Variants in DOK6 observed in about 807,000 individuals in gnomAD.
DOK6 encodes the protein docking protein 6.
DOK6 carries 22 observed loss-of-function variants against 44.0 expected under a neutral mutation model. The ratio of observed to expected loss-of-function variants is 0.50; its 90% CI spans 0.36 to 0.71. DOK6 has a LOEUF of 0.71. Ranked by LOEUF, DOK6 falls within the 30% of genes least tolerant of loss-of-function variation. The pLI, the probability that DOK6 is intolerant of heterozygous loss-of-function variation, is 0.00. For synonymous variants in DOK6, 166 were observed against 145.5 expected (o/e 1.14, Z -1.01); for missense variants, 340 against 416.4 (o/e 0.82, Z 1.60).
At chr18:69,816,734 T>TACTC (rs1475593712) in intron 7 of DOK6, among the ~76,000 whole-genome samples, 6 of 152,228 alleles carry the variant, frequency 3.9e-5, no homozygotes, top group Admixed American at 3.3e-4. Context: ...GGGAACCCTG[T>TACTC]ACTCTATCTT....
intron 3 of DOK6, among the ~76,000 whole-genome samples, chr18:69,610,932 G>A (rs1393008489): frequency 6.6e-6 from 1 of 152,012 alleles, no homozygotes; most frequent in Non-Finnish European, 1.5e-5. Flanking sequence ...AGGAGCAACT[G>A]TCATCACATA....
At chr18:69,414,799 C>G (rs1326407321) in intron 1 of DOK6, among the ~76,000 whole-genome samples, 2 of 151,958 alleles carry the variant, frequency 1.3e-5, no homozygotes, top group Non-Finnish European at 2.9e-5. Context: ...CAACAGTTAT[C>G]TTAAAATTAA....
chr18:69,423,000 A>G (rs1173836426), intron 1 of DOK6, among the ~76,000 whole-genome samples: 1 of 152,150 alleles, frequency 6.6e-6, no homozygotes, highest in Non-Finnish European at 1.5e-5. Flanking sequence ...TTTCCTTTAA[A>G]TTTTTTAACA....
At position 69,623,441 on chromosome 18, in the gene DOK6, A is replaced by T. The variant is rs143157414; in HGVS notation, c.289+23943A>T. Among the ~76,000 whole-genome samples, 1,081 of 152,332 alleles carry T rather than the reference A, an allele frequency of 7.1e-3. 9 individuals carry two copies. Among genetic ancestry groups the T allele is most frequent in the Non-Finnish European group, 0.013 (866 of 68,030 alleles). ...AAAAAAGATAAAAATCTACCTAAAA[A>T]TTAACAAAGAAGGTAAAATTCAACT... On this transcript the variant is annotated intron_variant, in intron 3 of 7. Coordinates refer to ENST00000382713, the MANE Select transcript of DOK6 (RefSeq NM_152721.6).
chr18:69,552,141 T>A (rs1205962960), intron 1 of DOK6, among the ~76,000 whole-genome samples: 5 of 152,172 alleles, frequency 3.3e-5, no homozygotes, highest in African/African-American at 4.8e-5. Flanking sequence ...AAGGACACTG[T>A]TTCTACACTT....
intron 1 of DOK6, chr18:69,470,227 A>G: frequency 6.6e-6 from 1 of 152,366 alleles, no homozygotes; most frequent in Non-Finnish European, 1.5e-5. Context: ...GCAGGCTCTG[A>G]GGTGCTAGTC....
intron 1 of DOK6, among the ~76,000 whole-genome samples, chr18:69,524,549 T>C (rs1307419385): frequency 1.3e-5 from 2 of 151,894 alleles, no homozygotes; most frequent in Non-Finnish European, 2.9e-5. Flanking sequence ...AGGTTCTAAT[T>C]AGAGTTTAGT....
At chr18:69,719,723 A>T (rs150839692) in intron 5 of DOK6, among the ~76,000 whole-genome samples, 2 of 152,312 alleles carry the variant, frequency 1.3e-5, no homozygotes, top group East Asian at 1.9e-4. Flanking sequence ...AATTGCTCCC[A>T]TAGTTATTTT....
chr18:69,410,573 G>A (rs1223525301), intron 1 of DOK6, among the ~76,000 whole-genome samples: 1 of 152,112 alleles, frequency 6.6e-6, no homozygotes, highest in Non-Finnish European at 1.5e-5. Context: ...AACACAGAAG[G>A]AATACAACAA....
intron 2 of DOK6, among the ~76,000 whole-genome samples, chr18:69,577,021 G>T (rs1174042041): frequency 6.6e-6 from 1 of 152,012 alleles, no homozygotes; most frequent in Non-Finnish European, 1.5e-5. Context: ...GCTTGTATTG[G>T]GACCAATCTC....
chr18:69,775,680 T>A (rs2144770319), intron 7 of DOK6, among the ~76,000 whole-genome samples: 1 of 151,410 alleles, frequency 6.6e-6, no homozygotes, highest in Non-Finnish European at 1.5e-5. Flanking sequence ...AGAGAGAAAA[T>A]ATAAATATGT....
At chr18:69,773,036 A>G (rs779982021) in intron 7 of DOK6, among the ~76,000 whole-genome samples, 1 of 152,062 alleles carries the variant, frequency 6.6e-6, no homozygotes, top group Non-Finnish European at 1.5e-5. Flanking sequence ...ACAGCAAAGG[A>G]CTTGAACAAA....
chr18:69,765,074 G>T (rs1394775690), intron 7 of DOK6, among the ~76,000 whole-genome samples: 3 of 152,174 alleles, frequency 2.0e-5, no homozygotes, highest in Admixed American at 6.5e-5. Context: ...ATAGAGTTCT[G>T]CCATAGATTA....
At chr18:69,822,795 A>G (rs933569206) in intron 7 of DOK6, among the ~76,000 whole-genome samples, 1 of 152,218 alleles carries the variant, frequency 6.6e-6, no homozygotes, top group Admixed American at 6.5e-5. Context: ...ATCTGTTTAC[A>G]TTTTTTAAAA....
chr18:69,755,724 C>T (rs536366691), intron 6 of DOK6, among the ~76,000 whole-genome samples: 145 of 152,360 alleles, frequency 9.5e-4, no homozygotes, highest in Non-Finnish European at 1.6e-3. Flanking sequence ...GAGTCCCCCA[C>T]TGTTAGGTCC....
intron 1 of DOK6, among the ~76,000 whole-genome samples, chr18:69,551,987 C>T (rs1354979980): frequency 2.0e-5 from 3 of 152,124 alleles, no homozygotes; most frequent in Non-Finnish European, 2.9e-5. Context: ...CAGGCAAGCC[C>T]GATCATGTTC....
chr18:69,648,459 C>G (rs1428731415), intron 3 of DOK6, among the ~76,000 whole-genome samples: 1 of 152,088 alleles, frequency 6.6e-6, no homozygotes, highest in Non-Finnish European at 1.5e-5. Flanking sequence ...TTTCAAAGCC[C>G]ATTTTCTTTC....
chr18:69,440,674 A>T (rs1224301218), intron 1 of DOK6, among the ~76,000 whole-genome samples: 1 of 152,006 alleles, frequency 6.6e-6, no homozygotes, highest in African/African-American at 2.4e-5. Context: ...TCTGTGAAGA[A>T]TTTCAGTCTC....
rs529553446 is a variant in DOK6, at chr18:69,726,361, T to G, written c.600-12604T>G. 4.4e-4 allele frequency among the ~76,000 whole-genome samples: 67 copies of G among 152,190 alleles called. No homozygotes were observed. In the South Asian group the frequency reaches 0.013, roughly 30 times the overall value. On this transcript the variant is annotated intron_variant, in intron 5 of 7. Transcript: ENST00000382713. Reference sequence around the variant, plus strand: ...CCATTCATCTTTTTGTTCTTTAATCTTTTGTTTATTTGCTACTCTCTCAAC... The same window carrying G: ...CCATTCATCTTTTTGTTCTTTAATCGTTTGTTTATTTGCTACTCTCTCAAC...
Sources: allele counts gnomAD v4.1 joint callset (sites outside exome capture counted in the v4.1 genomes callset), GRCh38; gene constraint gnomAD v4.1.1; transcripts MANE v1.5; gene names NCBI Gene and HGNC (gene_info 2026-07-23, HGNC 2026-07-21).